The following EIF3G variants were observed in gnomAD, a reference collection of about 807,000 sequenced individuals.
EIF3G encodes the protein eukaryotic translation initiation factor 3 RNA-binding subunit.
In EIF3G, 10 loss-of-function variants were observed where a neutral mutation model predicts 41.7. The ratio of observed to expected loss-of-function variants is 0.24; its 90% CI spans 0.15 to 0.41. The LOEUF is 0.41. Ranked by LOEUF, EIF3G falls within the 10% of genes least tolerant of loss-of-function variation. The pLI is 1.00. For missense variants in EIF3G, 297 were observed against 444.0 expected (o/e 0.67, Z 2.98); for synonymous variants, 204 against 172.5 (o/e 1.18, Z -1.43).
intron 10 of EIF3G, 167 bp from the exon 11 acceptor site, chr19:10,115,296 G>A: frequency 1.8e-6 from 2 of 1,123,470 alleles, no homozygotes; most frequent in East Asian, 2.6e-5. Context: ...GGACTGGCAG[G>A]GACCCCAGGC....
Position 10,116,206 on chromosome 19 carries a change from G to C in EIF3G, c.596-132C>G. The C allele has an allele frequency of 1.2e-6, 1 of 853,116 alleles. No individual in the cohort carries two copies. Among genetic ancestry groups the C allele is most frequent in the East Asian group, 2.7e-5 (1 of 37,254 alleles). The allele number at this position is 853,116 out of a possible 1,614,324, so 52.8% of individuals were successfully genotyped here. A position where few individuals can be genotyped will look rare whatever the true frequency, so the allele number is the denominator to read the frequency against. On this transcript the variant is annotated intron_variant, in intron 7 of 10. Coordinates refer to ENST00000253108, the MANE Select transcript of EIF3G (RefSeq NM_003755.5). The surrounding 1 kb of genome is among the most constrained non-coding windows in gnomAD (Gnocchi z 4.1). Reference sequence around the variant, plus strand: ...GTGCCAAACCACAGGCAGCCAGTTGGCCACGAGGACACCAAGGTGACACCT... The same window carrying C: ...GTGCCAAACCACAGGCAGCCAGTTGCCCACGAGGACACCAAGGTGACACCT...
At chr19:10,119,338 G>T in intron 2 of EIF3G, 167 bp from the exon 3 acceptor site, 1 of 848,782 alleles carries the variant, frequency 1.2e-6, no homozygotes, top group Non-Finnish European at 1.9e-6. Flanking sequence ...GGGACTCGGA[G>T]TGGCAAGGAT....
chr19:10,118,315 C>G (rs1279120654), intron 5 of EIF3G: 1 of 301,990 alleles, frequency 3.3e-6, no homozygotes, highest in Non-Finnish European at 6.4e-6. Context: ...CCTGTAATCC[C>G]AACACTTTGG....
chr19:10,116,156 A>G lies in EIF3G; in HGVS notation c.596-82T>C, dbSNP rs2089245646. ...AGCCGCCCCAGGAAGCTCGGGCTTCAGTGTTGAGCCAGCGCAGGCACTGTG... is the reference window on the plus strand; with the variant it reads ...AGCCGCCCCAGGAAGCTCGGGCTTCGGTGTTGAGCCAGCGCAGGCACTGTG... On this transcript the variant is annotated intron_variant, in intron 7 of 10. Transcript: ENST00000253108. This position sits in a 1 kb window ranked among gnomAD's most constrained non-coding sequence, Gnocchi z 4.1. 3 of 1,413,570 alleles carry G rather than the reference A, an allele frequency of 2.1e-6. No individual in the cohort carries two copies. The highest frequency in any genetic ancestry group is 1.4e-5 in the African/African-American group (1 of 70,550). 87.6% of individuals were successfully genotyped at this position (1,413,570 alleles called of 1,614,324 possible).
intron 5 of EIF3G, chr19:10,118,347 T>C (rs1459460502): frequency 1.4e-5 from 5 of 346,444 alleles, no homozygotes; most frequent in African/African-American, 4.3e-5. Context: ...GCGCAGATCA[T>C]GTGAGGTCAG....
At chr19:10,118,581 A>AT (rs1366170653) in intron 5 of EIF3G, 87 bp downstream of exon 5, 70 of 1,356,422 alleles carry the variant, frequency 5.2e-5, no homozygotes, top group Non-Finnish European at 6.9e-5. Context: ...AAAAAAAAAA[A>AT]AGAGTTAAGC....
At chr19:10,117,260 C>T in intron 5 of EIF3G, 72 bp from the exon 6 acceptor site, 1 of 1,089,670 alleles carries the variant, frequency 9.2e-7, no homozygotes, top group Non-Finnish European at 1.3e-6. Context: ...GTGCCCTAGA[C>T]CTACAACAGC....
Position 10,119,884 on chromosome 19 carries a change from C to A in EIF3G, c.-25G>T. On this transcript the variant is annotated 5_prime_UTR_variant, in exon 1 of 11. Coordinates refer to ENST00000253108, the MANE Select transcript of EIF3G (RefSeq NM_003755.5). ...TCGCAAAAAGTATTCTCCACGCAGC[C>A]CAAGCCCGGCCAGAGAGCGGAAGCG... is the stretch of plus-strand genomic sequence containing the variant. The A allele has an allele frequency of 6.2e-7, 1 of 1,614,112 alleles. No homozygotes were observed. The highest frequency in any genetic ancestry group is 2.2e-5 in the East Asian group (1 of 44,874).
chr19:10,116,524 A>T lies in EIF3G; in HGVS notation c.595+276T>A. 2 of 513,090 alleles carry T rather than the reference A, an allele frequency of 3.9e-6. No individual in the cohort carries two copies. Among genetic ancestry groups the T allele is most frequent in the Non-Finnish European group, 7.0e-6 (2 of 286,846 alleles). 31.8% of individuals were successfully genotyped at this position (513,090 alleles called of 1,614,324 possible). On this transcript the variant is annotated intron_variant, in intron 7 of 10. Coordinates refer to ENST00000253108, the MANE Select transcript of EIF3G (RefSeq NM_003755.5). The surrounding 1 kb of genome is among the most constrained non-coding windows in gnomAD (Gnocchi z 4.1). ...GACACTATACACACAGTGCGCACAC[A>T]CGATGTGGGGTGGTCAGCACCCTGG... is the stretch of plus-strand genomic sequence containing the variant.
rs149009824 is a variant in EIF3G at position 10,116,047 on chromosome 19, T to C, written c.623A>G (p.Asn208Ser). The C allele has an allele frequency of 9.3e-6, 15 of 1,613,830 alleles. No homozygotes were observed. Among genetic ancestry groups the C allele is most frequent in the African/African-American group, 5.3e-5 (4 of 74,938 alleles). ...CGGCGGCACATACTTCCCTGTCTTG[T>C]TCTGCGTGGCCTGCACCGGCTCTAG... ...GELEPVQATQ[N>S]KTGKYVPPSL... Residue 208 changes from asparagine (N) to serine (S), a missense_variant, in exon 8 of 11, where the codon AAC (asparagine) becomes AGC (serine). By Grantham distance (46) the Asn-to-Ser change is conservative. Transcript: ENST00000253108. This position sits in a 1 kb window ranked among gnomAD's most constrained non-coding sequence, Gnocchi z 4.1.
In EIF3G at chr19:10,116,175, C is replaced by T; in HGVS notation, c.596-101G>A. The T allele has an allele frequency of 1.7e-6, 2 of 1,204,832 alleles. No homozygotes were observed. Among genetic ancestry groups the T allele is most frequent in the Non-Finnish European group, 2.3e-6 (2 of 859,894 alleles). The allele number at this position is 1,204,832 out of a possible 1,614,324, so 74.6% of individuals were successfully genotyped here. ...GGCTTCAGTGTTGAGCCAGCGCAGG[C>T]ACTGTGTGCCAAACCACAGGCAGCC... On this transcript the variant is annotated intron_variant, in intron 7 of 10. Coordinates refer to ENST00000253108, the MANE Select transcript of EIF3G (RefSeq NM_003755.5). This position sits in a 1 kb window ranked among gnomAD's most constrained non-coding sequence, Gnocchi z 4.1.
chr19:10,117,439 G>A (rs1475121827), intron 5 of EIF3G: 10 of 469,138 alleles, frequency 2.1e-5, no homozygotes, highest in East Asian at 6.8e-5. Flanking sequence ...TGGGGCCTGC[G>A]CAGTCTGGCG....
At chr19:10,115,636 G>C in intron 9 of EIF3G, 48 bp downstream of exon 9, 1 of 1,611,812 alleles carries the variant, frequency 6.2e-7, no homozygotes, top group Non-Finnish European at 8.5e-7. Context: ...GGCGACCCTA[G>C]GACAAGTGAC....
chr19:10,115,256 C>T (rs1268027640), intron 10 of EIF3G, 127 bp from the exon 11 acceptor site: 11 of 1,277,956 alleles, frequency 8.6e-6, no homozygotes, highest in African/African-American at 1.5e-5. Flanking sequence ...GGGCACGGAG[C>T]CAGATGGCCA....
intron 2 of EIF3G, 189 bp from the exon 3 acceptor site, chr19:10,119,360 C>T: frequency 1.3e-6 from 1 of 787,366 alleles, no homozygotes; most frequent in South Asian, 1.5e-5. Flanking sequence ...GGAGATCCCT[C>T]GTAGGAAGGT....
At chr19:10,118,802 C>G in intron 4 of EIF3G, 66 bp downstream of exon 4, 1 of 1,605,960 alleles carries the variant, frequency 6.2e-7, no homozygotes, top group Non-Finnish European at 8.5e-7. Context: ...CAACACACCC[C>G]ACCCCATTCC....
At chr19:10,115,328 C>T (rs1390467601) in intron 10 of EIF3G, 151 bp downstream of exon 10, 10 of 1,139,066 alleles carry the variant, frequency 8.8e-6, no homozygotes, top group African/African-American at 4.7e-5. Context: ...CACCCCTCTG[C>T]CCGGTTTTGG....
At position 10,116,717 on chromosome 19, in the gene EIF3G, C is replaced by A; in HGVS notation, c.595+83G>T. 7.2e-7 allele frequency: 1 copy of A among 1,394,242 alleles called. No individual in the cohort carries two copies. Among genetic ancestry groups the A allele is most frequent in the Non-Finnish European group, 9.7e-7 (1 of 1,035,274 alleles). 86.4% of individuals were successfully genotyped at this position (1,394,242 alleles called of 1,614,324 possible). A position where few individuals can be genotyped will look rare whatever the true frequency, so the allele number is the denominator to read the frequency against. Reference sequence around the variant, plus strand: ...GTCTGGCACCATCAAACCCGCTGCACTGTCGTGCGGGAGATGACAGCACGA... The same window carrying A: ...GTCTGGCACCATCAAACCCGCTGCAATGTCGTGCGGGAGATGACAGCACGA... On this transcript the variant is annotated intron_variant, in intron 7 of 10. Coordinates refer to ENST00000253108, the MANE Select transcript of EIF3G (RefSeq NM_003755.5). This position sits in a 1 kb window ranked among gnomAD's most constrained non-coding sequence, Gnocchi z 4.1.
In EIF3G at chr19:10,116,411, G is replaced by A. The variant is rs1377921079; in HGVS notation, c.596-337C>T. 1.6e-5 allele frequency: 8 copies of A among 499,690 alleles called. No individual in the cohort carries two copies. The highest frequency in any genetic ancestry group is 3.9e-5 in the African/African-American group (2 of 51,892). The allele number at this position is 499,690 out of a possible 1,614,324, so 31.0% of individuals were successfully genotyped here. ...CGCCCAGGTCCCCCTCGCGTGGCAG[G>A]CGACAAGTGCACGTCTGCACTCTCA... On this transcript the variant is annotated intron_variant, in intron 7 of 10. Coordinates refer to ENST00000253108, the MANE Select transcript of EIF3G (RefSeq NM_003755.5). The surrounding 1 kb of genome is among the most constrained non-coding windows in gnomAD (Gnocchi z 4.1).
Sources: gnomAD v4.1 joint callset for allele counts on GRCh38, gnomAD v4.1.1 for gene constraint, Gnocchi (gnomAD v3.1) non-coding constraint, MANE v1.5 for transcripts, NCBI Gene and HGNC (gene_info 2026-07-23, HGNC 2026-07-21) for gene names.